NCKAP5: variants seen among roughly 807,000 people sequenced by gnomAD.
NCKAP5 encodes NCK associated protein 5, also known as nck-associated protein 5.
Under a neutral mutation model 167.0 loss-of-function variants are expected in NCKAP5, and 92 were observed. The observed-to-expected ratio is 0.55, with a 90% confidence interval of 0.47 to 0.66. The LOEUF (loss-of-function observed/expected upper bound fraction) is 0.66. Ranked by LOEUF, NCKAP5 falls within the 30% of genes least tolerant of loss-of-function variation. The pLI, the probability that NCKAP5 is intolerant of heterozygous loss-of-function variation, is 0.00. For missense variants in NCKAP5, 2,378 were observed against 2,315.0 expected (o/e 1.03, Z -0.56); for synonymous variants, 891 against 877.4 (o/e 1.02, Z -0.27).
intron 5 of NCKAP5, among the ~76,000 whole-genome samples, chr2:133,145,157 G>A (rs1411743585): frequency 6.6e-6 from 1 of 151,872 alleles, no homozygotes; most frequent in Non-Finnish European, 1.5e-5. Flanking sequence ...TTAAAAACAA[G>A]TTGGAATATA....
intron 4 of NCKAP5, among the ~76,000 whole-genome samples, chr2:133,256,983 G>A (rs56905015): frequency 0.022 from 3,415 of 152,114 alleles, 141 homozygotes; most frequent in African/African-American, 0.077. Flanking sequence ...GGACCTACGC[G>A]CGCACACAAT....
intron 8 of NCKAP5, among the ~76,000 whole-genome samples, chr2:132,933,324 T>A (rs1696585334): frequency 6.6e-6 from 1 of 152,188 alleles, no homozygotes; most frequent in African/African-American, 2.4e-5. Flanking sequence ...GTCTCTCCCA[T>A]TAGACCATGA....
intron 6 of NCKAP5, among the ~76,000 whole-genome samples, chr2:133,052,036 A>G (rs2079622992): frequency 6.6e-6 from 1 of 152,208 alleles, no homozygotes; most frequent in African/African-American, 2.4e-5. Flanking sequence ...AACAAACTGC[A>G]CTTTCTCTGT....
intron 3 of NCKAP5, among the ~76,000 whole-genome samples, chr2:133,351,859 A>G (rs958682319): frequency 5.3e-5 from 8 of 151,956 alleles, no homozygotes; most frequent in African/African-American, 1.9e-4. Flanking sequence ...ACCACCTCCA[A>G]CTGCCAGCTT....
At chr2:133,319,236 C>A (rs1181436940) in intron 3 of NCKAP5, among the ~76,000 whole-genome samples, 1 of 133,110 alleles carries the variant, frequency 7.5e-6, no homozygotes, top group African/African-American at 2.9e-5. Flanking sequence ...CATTGATGAA[C>A]AATTCAAGGT....
At chr2:133,493,475 G>A (rs186234294) in intron 3 of NCKAP5, among the ~76,000 whole-genome samples, 65 of 152,280 alleles carry the variant, frequency 4.3e-4, no homozygotes, top group African/African-American at 1.5e-3. Context: ...AAAATATTCT[G>A]TAACTCAATC....
chr2:133,439,044 C>T (rs906592642), intron 3 of NCKAP5, among the ~76,000 whole-genome samples: 8 of 152,184 alleles, frequency 5.3e-5, no homozygotes, highest in Non-Finnish European at 1.0e-4. Flanking sequence ...CTGCTGAATA[C>T]TTTGAGTCAT....
the NCKAP5 span, among the ~76,000 whole-genome samples, chr2:133,589,902 G>A: frequency 3.9e-5 from 6 of 152,336 alleles, no homozygotes; most frequent in Admixed American, 2.0e-4. Flanking sequence ...CACAGCTAAG[G>A]CAAAGTTGGT....
chr2:133,395,687 C>G (rs1231858211), intron 3 of NCKAP5, among the ~76,000 whole-genome samples: 1 of 152,080 alleles, frequency 6.6e-6, no homozygotes, highest in Non-Finnish European at 1.5e-5. Context: ...TCTCCGTTGC[C>G]CAGGCTGGAG....
chr2:132,883,124 C>A (rs1393051244), intron 8 of NCKAP5, among the ~76,000 whole-genome samples: 1 of 151,258 alleles, frequency 6.6e-6, no homozygotes, highest in Admixed American at 6.6e-5. Context: ...ATTGCTTGAG[C>A]CCCAGGAGGT....
chr2:133,216,671 CAGTT>C (rs1489296359), intron 4 of NCKAP5, among the ~76,000 whole-genome samples: 3 of 152,016 alleles, frequency 2.0e-5, no homozygotes, highest in South Asian at 2.1e-4. Context: ...CACAGAGAAA[CAGTT>C]GGTACAGAAA....
At chr2:133,220,181 T>C (rs1430544949) in intron 4 of NCKAP5, among the ~76,000 whole-genome samples, 1 of 152,252 alleles carries the variant, frequency 6.6e-6, no homozygotes, top group African/African-American at 2.4e-5. Flanking sequence ...ACTGTGCTTC[T>C]GCAATGCATC....
intron 5 of NCKAP5, among the ~76,000 whole-genome samples, chr2:133,162,964 G>A (rs1375046353): frequency 6.6e-6 from 1 of 152,158 alleles, no homozygotes; most frequent in Non-Finnish European, 1.5e-5. Flanking sequence ...CTAGGATGAT[G>A]CTTTCACCTC....
At chr2:133,125,124 T>C (rs1337601598) in intron 6 of NCKAP5, among the ~76,000 whole-genome samples, 1 of 152,096 alleles carries the variant, frequency 6.6e-6, no homozygotes, top group East Asian at 1.9e-4. Context: ...CCTTTGCAAA[T>C]CCTGCATGAT....
chr2:133,241,601 C>T (rs1454612162), intron 4 of NCKAP5, among the ~76,000 whole-genome samples: 2 of 152,158 alleles, frequency 1.3e-5, no homozygotes, highest in African/African-American at 2.4e-5. Flanking sequence ...TAACCTTCCT[C>T]CTTTGATTCT....
At chr2:133,048,284 A>T (rs1427765277) in intron 6 of NCKAP5, among the ~76,000 whole-genome samples, 2 of 152,166 alleles carry the variant, frequency 1.3e-5, no homozygotes, top group African/African-American at 4.8e-5. Context: ...TGGTTTTCTT[A>T]GTAAGATAAG....
At chr2:133,469,833 A>T (rs887716913) in intron 3 of NCKAP5, among the ~76,000 whole-genome samples, 3 of 151,488 alleles carry the variant, frequency 2.0e-5, no homozygotes, top group Non-Finnish European at 4.4e-5. Context: ...TTCTTCATGT[A>T]GTTCTCGAGC....
intron 6 of NCKAP5, among the ~76,000 whole-genome samples, chr2:133,108,912 C>T (rs2081812032): frequency 6.6e-6 from 1 of 152,198 alleles, no homozygotes; most frequent in South Asian, 2.1e-4. Flanking sequence ...TGTGTATACA[C>T]ATATTTTCTC....
the NCKAP5 span, among the ~76,000 whole-genome samples, chr2:133,621,218 G>A: frequency 1.3e-5 from 2 of 151,842 alleles, no homozygotes; most frequent in Admixed American, 1.3e-4. Flanking sequence ...TGGAACTGCA[G>A]AAACAAGTAC....
Sources: gnomAD v4.1 joint callset for allele counts (sites outside exome capture counted in the v4.1 genomes callset) on GRCh38, gnomAD v4.1.1 for gene constraint, MANE v1.5 for transcripts, NCBI Gene and HGNC (gene_info 2026-07-23, HGNC 2026-07-21) for gene names.